Variants in PRRG4 observed in about 807,000 individuals in gnomAD.
The protein encoded by PRRG4 is proline rich and Gla domain 4, also known as transmembrane gamma-carboxyglutamic acid protein 4.
A neutral mutation model predicts 20.0 loss-of-function variants in PRRG4; 12 were observed. That is an observed-to-expected ratio of 0.60 (90% CI 0.38 to 0.97). PRRG4 has a LOEUF of 0.97. PRRG4 is among the 50% of genes least tolerant of loss of function. PRRG4 has a pLI of 0.00. For synonymous variants in PRRG4, 94 were observed against 96.4 expected, an observed-to-expected ratio of 0.98 and a Z score of 0.15; for missense variants, 199 against 265.1, an observed-to-expected ratio of 0.75 and a Z score of 1.73.
At chr11:32,841,070 T>TTA (rs1851072835) in intron 5 of PRRG4, among the ~76,000 whole-genome samples, 1 of 141,320 alleles carries the variant, frequency 7.1e-6, no homozygotes, top group South Asian at 2.3e-4. Flanking sequence ...ACAATCTTAT[T>TTA]AAAAAAAAAA....
intron 2 of PRRG4, among the ~76,000 whole-genome samples, chr11:32,832,425 A>C (rs1374406070): frequency 6.6e-6 from 1 of 151,864 alleles, no homozygotes; most frequent in Non-Finnish European, 1.5e-5. Context: ...CAAATGGGCT[A>C]TAATAAATGG....
chr11:32,835,801 T>C (rs1375317323), intron 2 of PRRG4, among the ~76,000 whole-genome samples: 1 of 152,184 alleles, frequency 6.6e-6, no homozygotes, highest in East Asian at 1.9e-4. Flanking sequence ...ATAAAAGTAT[T>C]AATTTGTAAT....
At chr11:32,844,716 G>T (rs926789957) in intron 5 of PRRG4, among the ~76,000 whole-genome samples, 1 of 151,960 alleles carries the variant, frequency 6.6e-6, no homozygotes, top group African/African-American at 2.4e-5. Context: ...GGCCAGGCTG[G>T]ACTTGAACTC....
At chr11:32,835,603 C>T (rs927601092) in intron 2 of PRRG4, among the ~76,000 whole-genome samples, 1 of 152,088 alleles carries the variant, frequency 6.6e-6, no homozygotes, top group Non-Finnish European at 1.5e-5. Context: ...TTTACCTTCC[C>T]GTCAAATGTA....
intron 5 of PRRG4, among the ~76,000 whole-genome samples, 165 bp from the exon 6 acceptor site, chr11:32,853,131 C>T (rs1851198634): frequency 6.6e-6 from 1 of 152,062 alleles, no homozygotes; most frequent in African/African-American, 2.4e-5. Context: ...AGCTCTTGGT[C>T]TTTCCACTGT....
chr11:32,843,059 T>G (rs1851094283), intron 5 of PRRG4, among the ~76,000 whole-genome samples: 2 of 152,058 alleles, frequency 1.3e-5, no homozygotes, highest in South Asian at 4.1e-4. Flanking sequence ...GCCAGGCTAG[T>G]CTCCAACTCC....
chr11:32,829,829 A>G (rs1210685543), upstream of PRRG4: 3 of 985,324 alleles, frequency 3.0e-6, no homozygotes, highest in Admixed American at 1.8e-4. Context: ...GGCTCCCGGG[A>G]GACGCCGGCC....
At chr11:32,847,173 C>G (rs748279451) in intron 5 of PRRG4, among the ~76,000 whole-genome samples, 6 of 151,932 alleles carry the variant, frequency 3.9e-5, no homozygotes, top group African/African-American at 1.5e-4. Flanking sequence ...GAGTTTCGCT[C>G]TTGTTGCCCA....
intron 5 of PRRG4, among the ~76,000 whole-genome samples, chr11:32,844,550 G>T (rs1180046078): frequency 6.6e-6 from 1 of 151,214 alleles, no homozygotes; most frequent in Non-Finnish European, 1.5e-5. Context: ...ACCCAGGCTG[G>T]AGTACAGTGG....
intron 1 of PRRG4, 29 bp downstream of exon 1, chr11:32,830,202 G>C (rs1279215319): frequency 9.3e-7 from 1 of 1,069,932 alleles, no homozygotes; most frequent in Non-Finnish European, 1.1e-6. Context: ...GGACCTCGGC[G>C]GGGAGGGGGT....
At chr11:32,848,606 A>C (rs913692152) in intron 5 of PRRG4, among the ~76,000 whole-genome samples, 3 of 151,296 alleles carry the variant, frequency 2.0e-5, no homozygotes, top group Admixed American at 6.6e-5. Flanking sequence ...TAATATGTGT[A>C]TATGTATACA....
intron 2 of PRRG4, among the ~76,000 whole-genome samples, chr11:32,832,479 CT>C (rs555430349): frequency 0.21 from 25,380 of 120,722 alleles, 2,361 homozygotes; most frequent in East Asian, 0.51. Context: ...TGGTGAAATT[CT>C]TTTTTTTTTT....
chr11:32,848,721 C>T (rs1230242301), intron 5 of PRRG4, among the ~76,000 whole-genome samples: 4 of 151,924 alleles, frequency 2.6e-5, no homozygotes, highest in Non-Finnish European at 2.9e-5. Flanking sequence ...CCTGTAATCC[C>T]AGAACTTTGG....
chr11:32,846,237 T>C (rs889956307), intron 5 of PRRG4, among the ~76,000 whole-genome samples: 1 of 152,184 alleles, frequency 6.6e-6, no homozygotes, highest in Non-Finnish European at 1.5e-5. Context: ...CTGGAACTCC[T>C]GGCCTCAGGC....
rs1271079906 is a variant in PRRG4 at position 32,838,913 on chromosome 11, G to A, written c.299G>A (p.Gly100Glu). The part of the protein sequence containing the change: ...IAFWQEYSAK[G>E]PTTKSDGNRE... Reference sequence around the variant, plus strand: ...TTTTGGCAGGAATATTCAGCTAAAGGACCAACCACAAAATCAGGTAAAACA... The same window carrying A: ...TTTTGGCAGGAATATTCAGCTAAAGAACCAACCACAAAATCAGGTAAAACA... Residue 100 changes from glycine (G) to glutamate (E), a missense_variant, in exon 4 of 6, where the codon GGA (glycine) becomes GAA (glutamate). By Grantham distance (98) the Gly-to-Glu change is moderately conservative (BLOSUM62 -2). Transcript: ENST00000257836. 6.2e-7 allele frequency: 1 copy of A among 1,609,776 alleles called. No homozygotes were observed. Among genetic ancestry groups the A allele is most frequent in the Non-Finnish European group, 8.5e-7 (1 of 1,176,416 alleles).
rs1399329676 is a variant in PRRG4, at chr11:32,830,624, G to A, written c.95G>A (p.Gly32Glu). 5 of 1,613,758 alleles carry A rather than the reference G, an allele frequency of 3.1e-6. No homozygotes were observed. The highest frequency in any genetic ancestry group is 3.3e-5 in the Admixed American group (2 of 60,002). ...GGTCCAAAGGCTTCTAAGCATGCGG[G>A]AGAAGAAGGTAAGCACTAAAACGTC... ...ARGPKASKHA[G>E]EEVFTSKEEA... Residue 32 changes from glycine to glutamate, a missense_variant, in exon 2 of 6, where the codon GGA becomes GAA. Physicochemically the swap from Gly to Glu is moderately conservative, Grantham distance 98. Coordinates refer to ENST00000257836, the MANE Select transcript of PRRG4 (RefSeq NM_024081.6).
chr11:32,848,478 T>C (rs11032020), intron 5 of PRRG4, among the ~76,000 whole-genome samples: 1,958 of 152,180 alleles, frequency 0.013, 40 homozygotes, highest in African/African-American at 0.045. Context: ...TGGAAATAGA[T>C]AATGGAAATA....
Position 32,855,105 on chromosome 11 carries a change from T to C in PRRG4, c.*1578T>C, listed in dbSNP as rs1851219414. 1 of 152,230 alleles carries C rather than the reference T, an allele frequency of 6.6e-6. No homozygotes were observed. The highest frequency in any genetic ancestry group is 2.4e-5 in the African/African-American group (1 of 41,466). 9.4% of individuals were successfully genotyped at this position (152,230 alleles called of 1,614,324 possible). ...CTGCTCTTAAAATAATATTGATTAA[T>C]GTTACCAGAAACCTTTTGCATCTCT... On this transcript the variant is annotated 3_prime_UTR_variant, in exon 6 of 6. Transcript: ENST00000257836.
intron 5 of PRRG4, among the ~76,000 whole-genome samples, chr11:32,848,800 C>T (rs528969401): frequency 8.6e-5 from 13 of 151,708 alleles, no homozygotes; most frequent in African/African-American, 3.1e-4. Context: ...GGTGAAATCC[C>T]ACCTCTACTA....
Sources: gnomAD v4.1 joint callset for allele counts (sites outside exome capture counted in the v4.1 genomes callset) on GRCh38, gnomAD v4.1.1 for gene constraint, MANE v1.5 for transcripts, NCBI Gene and HGNC (gene_info 2026-07-23, HGNC 2026-07-21) for gene names.